Variants in GRB2 observed in about 807,000 individuals in gnomAD.
GRB2 encodes growth factor receptor bound protein 2.
Under a neutral mutation model 27.4 loss-of-function variants are expected in GRB2, and 2 were observed. The observed-to-expected ratio is 0.07, with a 90% CI of 0.03 to 0.23. The LOEUF is 0.23. Ranked by LOEUF, GRB2 falls within the 10% of genes least tolerant of loss-of-function variation. The pLI is 1.00. For missense variants in GRB2, 102 were observed against 282.4 expected (o/e 0.36, Z 4.58); for synonymous variants, 94 against 99.6 (o/e 0.94, Z 0.33).
In GRB2 at chr17:75,338,560, T is replaced by C. The variant is rs906419822; in HGVS notation, c.79-5763A>G. On this transcript the variant is annotated intron_variant, in intron 2 of 5. Transcript: ENST00000316804. ...GCTGCATTTTCTATTCCAACCCCCA[T>C]ATTCCCTCGAGTTATGACTTTGTAG... is the stretch of plus-strand genomic sequence containing the variant. 1.3e-4 allele frequency among the ~76,000 whole-genome samples: 20 copies of C among 152,212 alleles called. 2 individuals are homozygous for C. Among genetic ancestry groups the C allele is most frequent in the Admixed American group, 1.0e-3 (16 of 15,274 alleles).
chr17:75,391,263 T>C (rs2078996565), intron 2 of GRB2, among the ~76,000 whole-genome samples: 1 of 152,152 alleles, frequency 6.6e-6, no homozygotes. Context: ...GAACCACATA[T>C]ATGTATTTTT....
intron 1 of GRB2, among the ~76,000 whole-genome samples, chr17:75,403,700 G>A (rs2079079100): frequency 6.6e-6 from 1 of 151,886 alleles, no homozygotes; most frequent in African/African-American, 2.4e-5. Context: ...GGAGGTGGAA[G>A]CTGCAGTGAG....
At chr17:75,324,649 C>A (rs1465387857) in intron 4 of GRB2, among the ~76,000 whole-genome samples, 1 of 151,400 alleles carries the variant, frequency 6.6e-6, no homozygotes, top group Non-Finnish European at 1.5e-5. Context: ...TCCCAAGTAG[C>A]TGGGACTACA....
intron 1 of GRB2, among the ~76,000 whole-genome samples, chr17:75,400,185 T>C (rs113794936): frequency 6.6e-6 from 1 of 151,918 alleles, no homozygotes; most frequent in Non-Finnish European, 1.5e-5. Flanking sequence ...TACATACTCC[T>C]TTTTTTGAGA....
At chr17:75,381,757 A>C (rs528783855) in intron 2 of GRB2, among the ~76,000 whole-genome samples, 1 of 151,024 alleles carries the variant, frequency 6.6e-6, no homozygotes, top group Non-Finnish European at 1.5e-5. Flanking sequence ...GAAAATAAAG[A>C]TATATGAAAT....
At chr17:75,375,914 A>G (rs1383378851) in intron 2 of GRB2, among the ~76,000 whole-genome samples, 1 of 151,038 alleles carries the variant, frequency 6.6e-6, no homozygotes, top group African/African-American at 2.4e-5. Flanking sequence ...AGTCCCAGCT[A>G]CTCGGGAGGC....
chr17:75,327,616 G>A (rs758108611), intron 3 of GRB2, among the ~76,000 whole-genome samples: 3 of 151,610 alleles, frequency 2.0e-5, no homozygotes, highest in Non-Finnish European at 2.9e-5. Flanking sequence ...AGATCTGCCC[G>A]CCTCAGCCTC....
At chr17:75,364,432 A>G (rs549155304) in intron 2 of GRB2, among the ~76,000 whole-genome samples, 1 of 152,308 alleles carries the variant, frequency 6.6e-6, no homozygotes, top group South Asian at 2.1e-4. Flanking sequence ...TATAGGTACT[A>G]TAACCATTTT....
At chr17:75,381,446 G>A (rs2078926844) in intron 2 of GRB2, among the ~76,000 whole-genome samples, 1 of 151,800 alleles carries the variant, frequency 6.6e-6, no homozygotes. Context: ...ATAAAGATAC[G>A]GCTGGGTACA....
chr17:75,323,796 TTTTTC>T (rs2078476916), intron 4 of GRB2, among the ~76,000 whole-genome samples: 1 of 150,986 alleles, frequency 6.6e-6, no homozygotes, highest in African/African-American at 2.4e-5. Context: ...GTCACACATG[TTTTTC>T]TTTTCTTTTT....
intron 2 of GRB2, among the ~76,000 whole-genome samples, chr17:75,383,008 C>T (rs1048495447): frequency 2.0e-5 from 3 of 152,094 alleles, no homozygotes; most frequent in African/African-American, 4.8e-5. Context: ...TGCGCCCAGC[C>T]GGCATCCTTA....
At chr17:75,399,191 G>A (rs1469095046) in intron 1 of GRB2, among the ~76,000 whole-genome samples, 1 of 151,718 alleles carries the variant, frequency 6.6e-6, no homozygotes, top group Non-Finnish European at 1.5e-5. Flanking sequence ...GGGACTACAG[G>A]TGCACACCAC....
intron 2 of GRB2, among the ~76,000 whole-genome samples, chr17:75,383,790 C>T (rs185594439): frequency 3.1e-4 from 47 of 152,114 alleles, no homozygotes; most frequent in African/African-American, 1.1e-3. Flanking sequence ...TGCAGTCAGC[C>T]AAGACAGCAC....
chr17:75,332,336 C>A (rs1198150081), intron 3 of GRB2, among the ~76,000 whole-genome samples: 1 of 152,158 alleles, frequency 6.6e-6, no homozygotes, highest in Admixed American at 6.6e-5. Flanking sequence ...TACCGTCCCA[C>A]AGCATTAGCA....
Position 75,320,233 on chromosome 17 carries a change from T to G in GRB2, c.*135A>C. On this transcript the variant is annotated 3_prime_UTR_variant, in exon 6 of 6. Transcript: ENST00000316804. The surrounding 1 kb of genome is among the most constrained non-coding windows in gnomAD (Gnocchi z 4.3). ...CCACCCCCTAAAGTTCCAACCAAAG[T>G]GAGAGGGTCACAGGGTGACCCGGCC... is the stretch of plus-strand genomic sequence containing the variant. 2 of 691,140 alleles carry G rather than the reference T, an allele frequency of 2.9e-6. No homozygotes were observed. Among genetic ancestry groups the G allele is most frequent in the Non-Finnish European group, 4.9e-6 (2 of 406,546 alleles). The allele number at this position is 691,140 out of a possible 1,614,324, so 42.8% of individuals were successfully genotyped here. A position where few individuals can be genotyped will look rare whatever the true frequency, so the allele number is the denominator to read the frequency against.
rs984122168 is a variant in GRB2 at position 75,378,156 on chromosome 17, TG to T, written c.78+15394del. Among the ~76,000 whole-genome samples the T allele has an allele frequency of 1.1e-4, 16 of 150,972 alleles. No individual in the cohort carries two copies. The East Asian group carries it at 2.9e-3, about 28-fold the overall frequency. On this transcript the variant is annotated intron_variant, in intron 2 of 5. Coordinates refer to ENST00000316804, the MANE Select transcript of GRB2 (RefSeq NM_002086.5). ...ATTCCAGCACTTTGGGAGGCCGAGG[TG>T]GGGGGGAGGATCACCTGCAGTCAGG...
rs146055599 is a variant in GRB2 at position 75,396,604 on chromosome 17, T to TCTCAAACTCCTGGC, written c.-137-2853_-137-2840dup. Reference sequence around the variant, plus strand: ...ATCTACCTTTTAAGACCCAGGCTGGTCTCAAACTCCTGGCCTCAAGCAATC... The same window carrying TCTCAAACTCCTGGC: ...ATCTACCTTTTAAGACCCAGGCTGGTCTCAAACTCCTGGCCTCAAACTCCTGGCCTCAAGCAATC... On this transcript the variant is annotated intron_variant, in intron 1 of 5. Coordinates refer to ENST00000316804, the MANE Select transcript of GRB2 (RefSeq NM_002086.5). Among the ~76,000 whole-genome samples the TCTCAAACTCCTGGC allele has an allele frequency of 9.3e-3, 1,418 of 152,156 alleles. 25 individuals are homozygous for TCTCAAACTCCTGGC. The highest frequency in any genetic ancestry group is 0.048 in the South Asian group (229 of 4,810).
intron 2 of GRB2, among the ~76,000 whole-genome samples, chr17:75,383,072 G>C (rs892961311): frequency 6.6e-6 from 1 of 151,690 alleles, no homozygotes; most frequent in African/African-American, 2.4e-5. Context: ...ATTGAGACTA[G>C]AGAGAATGTT....
At chr17:75,349,970 T>C (rs143812617) in intron 2 of GRB2, among the ~76,000 whole-genome samples, 1 of 151,774 alleles carries the variant, frequency 6.6e-6, no homozygotes, top group African/African-American at 2.4e-5. Flanking sequence ...AATTCGACTG[T>C]ATGTATTAAA....
Sources: gnomAD v4.1 joint callset for allele counts (sites outside exome capture counted in the v4.1 genomes callset) on GRCh38, gnomAD v4.1.1 for gene constraint, Gnocchi (gnomAD v3.1) non-coding constraint, MANE v1.5 for transcripts, NCBI Gene and HGNC (gene_info 2026-07-23, HGNC 2026-07-21) for gene names.